NXN: variants seen among roughly 807,000 people sequenced by gnomAD.
NXN encodes the protein nucleoredoxin 1.
A neutral mutation model predicts 48.6 loss-of-function variants in NXN; 16 were observed. The observed-to-expected ratio is 0.33, with a 90% CI of 0.22 to 0.50. NXN has a LOEUF of 0.50. Ranked by LOEUF, NXN falls within the 20% of genes least tolerant of loss-of-function variation. The probability of loss-of-function intolerance (pLI) is 0.98; values close to 1 mark genes in which losing one functional copy is unlikely to be tolerated. For synonymous variants in NXN, 281 were observed against 269.6 expected, an observed-to-expected ratio of 1.04 and a Z score of -0.41; for missense variants, 492 against 605.5, an observed-to-expected ratio of 0.81 and a Z score of 1.97.
chr17:852,986 T>C (rs2067940998), intron 1 of NXN, among the ~76,000 whole-genome samples: 1 of 149,998 alleles, frequency 6.7e-6, no homozygotes, highest in Non-Finnish European at 1.5e-5. Flanking sequence ...AATTTTTTCT[T>C]TTTTTTTTTG....
intron 1 of NXN, among the ~76,000 whole-genome samples, chr17:931,285 CA>C (rs778432060): frequency 0.13 from 13,664 of 107,042 alleles, 747 homozygotes; most frequent in Middle Eastern, 0.21. Flanking sequence ...AGACTCCATC[CA>C]AAAAAAAAAA....
intron 1 of NXN, among the ~76,000 whole-genome samples, chr17:848,513 G>A (rs79630531): frequency 0.021 from 3,213 of 152,316 alleles, 59 homozygotes; most frequent in Non-Finnish European, 0.031. Flanking sequence ...CATTTGCCAG[G>A]TTCGTGCCTG....
intron 1 of NXN, among the ~76,000 whole-genome samples, chr17:945,823 TTC>T (rs2069037273): frequency 1.3e-5 from 2 of 152,192 alleles, no homozygotes; most frequent in South Asian, 4.1e-4. Flanking sequence ...ATCCAGAGTA[TTC>T]TGCCCTTCAC....
intron 1 of NXN, among the ~76,000 whole-genome samples, chr17:879,346 G>A (rs1016327989): frequency 1.3e-5 from 2 of 150,410 alleles, no homozygotes; most frequent in African/African-American, 2.5e-5. Context: ...CTGGAGTGCA[G>A]TGGCACGATC....
rs371044693 is a variant in NXN, at chr17:936,489, G to A, written c.360+42830C>T. On this transcript the variant is annotated intron_variant, in intron 1 of 7. Transcript: ENST00000336868. ...GCCGCGTGCTGCCACCACCCAGCTC[G>A]ATGATTCTCTCCTTCCACACCTTCC... Among the ~76,000 whole-genome samples, 110 of 151,740 alleles carry A rather than the reference G, an allele frequency of 7.2e-4. 1 individual carries two copies. Among genetic ancestry groups the A allele is most frequent in the African/African-American group, 2.2e-3 (90 of 41,344 alleles).
intron 1 of NXN, among the ~76,000 whole-genome samples, chr17:826,602 C>A (rs1473259567): frequency 6.6e-6 from 1 of 152,254 alleles, no homozygotes; most frequent in Non-Finnish European, 1.5e-5. Context: ...CTCTCCACGG[C>A]CCCTTCCCCT....
At chr17:916,775 G>A (rs554891599) in intron 1 of NXN, among the ~76,000 whole-genome samples, 5 of 152,268 alleles carry the variant, frequency 3.3e-5, no homozygotes, top group Admixed American at 1.3e-4. Flanking sequence ...GCGGACATCT[G>A]TAATCCCAGC....
intron 1 of NXN, among the ~76,000 whole-genome samples, chr17:909,355 G>A (rs2068612360): frequency 6.6e-6 from 1 of 151,916 alleles, no homozygotes; most frequent in Non-Finnish European, 1.5e-5. Flanking sequence ...ATTCTTCTGT[G>A]GTACCAAATA....
intron 1 of NXN, among the ~76,000 whole-genome samples, chr17:955,793 T>G (rs559444154): frequency 3.3e-4 from 50 of 151,642 alleles, no homozygotes; most frequent in African/African-American, 1.1e-3. Flanking sequence ...TCCCAGCAAC[T>G]CGGGAGGCTG....
chr17:936,735 C>G (rs1020437146), intron 1 of NXN, among the ~76,000 whole-genome samples: 1 of 148,950 alleles, frequency 6.7e-6, no homozygotes, highest in South Asian at 2.2e-4. Context: ...GGATTTATAA[C>G]GGATTTCTTT....
chr17:887,747 G>A (rs950534773), intron 1 of NXN, among the ~76,000 whole-genome samples: 1 of 152,088 alleles, frequency 6.6e-6, no homozygotes, highest in African/African-American at 2.4e-5. Flanking sequence ...GGGGAAAAAA[G>A]AGAAAGGCTT....
intron 5 of NXN, among the ~76,000 whole-genome samples, chr17:807,973 AC>A (rs1221516719): frequency 6.6e-6 from 1 of 152,010 alleles, no homozygotes; most frequent in South Asian, 2.1e-4. Context: ...GGTCAAGGTG[AC>A]CCCCAGGTCA....
chr17:830,944 G>A lies in NXN; in HGVS notation c.361-4866C>T, dbSNP rs1357600857. Among the ~76,000 whole-genome samples, 1 of 150,460 alleles carries A rather than the reference G, an allele frequency of 6.6e-6. No individual in the cohort carries two copies. Among genetic ancestry groups the A allele is most frequent in the Admixed American group, 6.7e-5 (1 of 14,990 alleles). Reference sequence around the variant, plus strand: ...GAACCCGGGAGGCGGAGGTTGCTGTGAGCCGAGACTGAGCTATTGCACTCC... The same window carrying A: ...GAACCCGGGAGGCGGAGGTTGCTGTAAGCCGAGACTGAGCTATTGCACTCC... On this transcript the variant is annotated intron_variant, in intron 1 of 7. Coordinates refer to ENST00000336868, the MANE Select transcript of NXN (RefSeq NM_022463.5). This position sits in a 1 kb window ranked among gnomAD's most constrained non-coding sequence, Gnocchi z 4.2.
chr17:956,302 G>C lies in NXN; in HGVS notation c.360+23017C>G, dbSNP rs1178144872. ...TGTTAAGTAAGAAGGACACAAGGAG[G>C]AAAGACAGTTTCTCTGCCCTCAGGA... is the stretch of plus-strand genomic sequence containing the variant. On this transcript the variant is annotated intron_variant, in intron 1 of 7. Transcript: ENST00000336868. This position sits in a 1 kb window ranked among gnomAD's most constrained non-coding sequence, Gnocchi z 4.1. Among the ~76,000 whole-genome samples, 2 of 152,164 alleles carry C rather than the reference G, an allele frequency of 1.3e-5. No homozygotes were observed. The highest frequency in any genetic ancestry group is 4.8e-5 in the African/African-American group (2 of 41,446).
intron 5 of NXN, among the ~76,000 whole-genome samples, chr17:812,683 T>G (rs1567812543): frequency 6.6e-6 from 1 of 151,532 alleles, no homozygotes; most frequent in African/African-American, 2.4e-5. Flanking sequence ...AGTGTAGGTG[T>G]GTGCACATAT....
rs899738433 is a variant in NXN, at chr17:917,685, T to C, written c.360+61634A>G. ...TGTAGGCCACCCGCTGCAGGCGAGC[T>C]TCCCTACCCAATCCGACCTCCTAGA... is the stretch of plus-strand genomic sequence containing the variant. On this transcript the variant is annotated intron_variant, in intron 1 of 7. Coordinates refer to ENST00000336868, the MANE Select transcript of NXN (RefSeq NM_022463.5). This position sits in a 1 kb window ranked among gnomAD's most constrained non-coding sequence, Gnocchi z 4.5. Among the ~76,000 whole-genome samples, 3 of 152,178 alleles carry C rather than the reference T, an allele frequency of 2.0e-5. No homozygotes were observed. Among genetic ancestry groups the C allele is most frequent in the African/African-American group, 7.2e-5 (3 of 41,440 alleles).
rs368807703 is a variant in NXN, at chr17:803,772, C to T, written c.1035G>A (p.Lys345=). The change falls in exon 7 of 8, where the codon AAG becomes AAA. Residue 345 remains lysine (K), a synonymous_variant. Coordinates refer to ENST00000336868, the MANE Select transcript of NXN (RefSeq NM_022463.5). ...SEDDGESEAA[K]QLIQPIAEKI... ...TCTCAGCTATCGGCTGAATCAGCTGCTTGGCCGCCTCGGACTCTCCGTCAT... is the reference window on the plus strand; with the variant it reads ...TCTCAGCTATCGGCTGAATCAGCTGTTTGGCCGCCTCGGACTCTCCGTCAT... The T allele has an allele frequency of 1.4e-5, 22 of 1,614,228 alleles. No individual in the cohort carries two copies. In the African/African-American group the frequency reaches 2.5e-4, roughly 19 times the overall value.
chr17:871,007 C>G (rs941478312), intron 1 of NXN, among the ~76,000 whole-genome samples: 1 of 151,496 alleles, frequency 6.6e-6, no homozygotes, highest in Non-Finnish European at 1.5e-5. Flanking sequence ...TACAGGCGCC[C>G]GCCATCACGC....
chr17:965,590 C>T (rs1301394679), intron 1 of NXN, among the ~76,000 whole-genome samples: 1 of 152,108 alleles, frequency 6.6e-6, no homozygotes, highest in African/African-American at 2.4e-5. Context: ...GATTTGAAGA[C>T]GGCTGAGCAA....
Sources: allele counts gnomAD v4.1 joint callset (sites outside exome capture counted in the v4.1 genomes callset), GRCh38; gene constraint gnomAD v4.1.1; non-coding constraint Gnocchi (gnomAD v3.1); transcripts MANE v1.5; gene names NCBI Gene and HGNC (gene_info 2026-07-23, HGNC 2026-07-21).